Variants in LUZP2 observed in about 807,000 individuals in gnomAD.
LUZP2 encodes the protein leucine zipper protein 2.
A neutral mutation model predicts 51.6 loss-of-function variants in LUZP2; 52 were observed. The ratio of observed to expected loss-of-function variants is 1.01; its 90% confidence interval spans 0.81 to 1.27. The LOEUF (loss-of-function observed/expected upper bound fraction) is 1.27. LUZP2 is among the 50% of genes most tolerant of loss of function. The probability of loss-of-function intolerance (pLI) is 0.00; values close to 1 mark genes in which losing one functional copy is unlikely to be tolerated. For missense variants in LUZP2, 436 were observed against 395.4 expected (o/e 1.10, Z -0.87); for synonymous variants, 154 against 137.3 (o/e 1.12, Z -0.85).
intron 1 of LUZP2, among the ~76,000 whole-genome samples, chr11:24,719,610 T>C (rs1198112151): frequency 6.6e-6 from 1 of 152,258 alleles, no homozygotes; most frequent in Non-Finnish European, 1.5e-5. Flanking sequence ...TTTGCAAATA[T>C]GCCCGTAACT....
intron 1 of LUZP2, among the ~76,000 whole-genome samples, chr11:24,693,501 ACTAAAT>A (rs1220397772): frequency 2.6e-5 from 4 of 151,944 alleles, no homozygotes; most frequent in Non-Finnish European, 5.9e-5. Flanking sequence ...ATAAAAGGAA[ACTAAAT>A]CTATGTTTAT....
At chr11:24,981,914 AAAAC>A (rs201449664) in intron 8 of LUZP2, among the ~76,000 whole-genome samples, 9,898 of 145,148 alleles carry the variant, frequency 0.068, 451 homozygotes, top group Middle Eastern at 0.14. Context: ...TTTTAAGAGA[AAAAC>A]AAACAACCTC....
intron 9 of LUZP2, among the ~76,000 whole-genome samples, chr11:25,013,677 A>T (rs1239652242): frequency 6.6e-6 from 1 of 152,134 alleles, no homozygotes; most frequent in African/African-American, 2.4e-5. Flanking sequence ...GCTTATAGAC[A>T]TAAGGTCACC....
At chr11:24,878,098 G>GTTTTTTTTTTTTTTTTT (rs1491432423) in intron 5 of LUZP2, among the ~76,000 whole-genome samples, 1 of 18,542 alleles carries the variant, frequency 5.4e-5, no homozygotes. Flanking sequence ...GTAATATTCT[G>GTTTTTTTTTTTTTTTTT]TGTTTTTTTT....
rs144270589 is a variant in LUZP2 at position 24,789,948 on chromosome 11, T to C, written c.396+26640T>C. ...AAAGGGGATATAAACATTTCAACCA[T>C]AGCACTACCCATTTACTCTGCTTTC... On this transcript the variant is annotated intron_variant, in intron 5 of 11. Coordinates refer to ENST00000336930, the MANE Select transcript of LUZP2 (RefSeq NM_001009909.4). 5.0e-3 allele frequency among the ~76,000 whole-genome samples: 755 copies of C among 152,324 alleles called. 4 individuals are homozygous for C. The highest frequency in any genetic ancestry group is 0.012 in the South Asian group (60 of 4,834).
chr11:24,865,631 G>T (rs1292581848), intron 5 of LUZP2, among the ~76,000 whole-genome samples: 1 of 151,748 alleles, frequency 6.6e-6, no homozygotes, highest in African/African-American at 2.4e-5. Context: ...CCCTCAGATG[G>T]TTATTTGACA....
chr11:24,973,382 A>C (rs1469784453), intron 7 of LUZP2, among the ~76,000 whole-genome samples: 1 of 28,710 alleles, frequency 3.5e-5, no homozygotes, highest in Admixed American at 4.2e-4. Flanking sequence ...TTTTTTTTTC[A>C]AAAAAACAGC....
At chr11:24,726,242 A>G (rs1858470209) in intron 1 of LUZP2, among the ~76,000 whole-genome samples, 1 of 152,176 alleles carries the variant, frequency 6.6e-6, no homozygotes, top group Non-Finnish European at 1.5e-5. Context: ...TTACATCAGA[A>G]AGAGGGTATC....
intron 5 of LUZP2, among the ~76,000 whole-genome samples, chr11:24,765,095 G>A (rs1280154480): frequency 6.6e-6 from 1 of 152,004 alleles, no homozygotes; most frequent in South Asian, 2.1e-4. Flanking sequence ...AAACCTAACG[G>A]TGAACATATA....
intron 1 of LUZP2, among the ~76,000 whole-genome samples, chr11:24,662,427 T>TTA (rs1345151789): frequency 6.6e-6 from 1 of 152,102 alleles, no homozygotes; most frequent in East Asian, 1.9e-4. Flanking sequence ...GCTAAAGGAA[T>TTA]TATAATATGA....
chr11:24,601,951 A>ATGTGTAT (rs1565019800), intron 1 of LUZP2, among the ~76,000 whole-genome samples: 1 of 93,184 alleles, frequency 1.1e-5, no homozygotes, highest in African/African-American at 4.6e-5. Flanking sequence ...TATATGTATA[A>ATGTGTAT]ATGTATATAT....
chr11:24,893,248 G>A (rs548621957), intron 5 of LUZP2: 1 of 152,024 alleles, frequency 6.6e-6, no homozygotes, highest in African/African-American at 2.4e-5. Context: ...ACTACAAGTT[G>A]AATAATGTTT....
chr11:24,553,353 G>C (rs933760648), intron 1 of LUZP2, among the ~76,000 whole-genome samples: 1 of 151,826 alleles, frequency 6.6e-6, no homozygotes, highest in Non-Finnish European at 1.5e-5. Flanking sequence ...TAAAAACTAA[G>C]GGTAAAAAGT....
intron 1 of LUZP2, among the ~76,000 whole-genome samples, chr11:24,563,162 G>A (rs1273145323): frequency 1.3e-5 from 2 of 152,156 alleles, no homozygotes; most frequent in Non-Finnish European, 2.9e-5. Context: ...CTACGAACAA[G>A]AATGGGTCTG....
At chr11:24,609,729 CAAAAAAAAAAAAAA>C (rs34436907) in intron 1 of LUZP2, among the ~76,000 whole-genome samples, 5 of 65,896 alleles carry the variant, frequency 7.6e-5, no homozygotes, top group African/African-American at 1.5e-4. Context: ...GACTCCAGCT[CAAAAAAAAAAAAAA>C]AAAAAAAAAA....
At chr11:24,675,571 A>G (rs1856516369) in intron 1 of LUZP2, among the ~76,000 whole-genome samples, 1 of 152,160 alleles carries the variant, frequency 6.6e-6, no homozygotes, top group African/African-American at 2.4e-5. Flanking sequence ...CAACCTCTAT[A>G]TTTGAATAAA....
chr11:24,939,714 C>A (rs985200851), intron 7 of LUZP2, among the ~76,000 whole-genome samples: 6 of 151,848 alleles, frequency 4.0e-5, no homozygotes, highest in Admixed American at 3.9e-4. Context: ...TGGAGACAGG[C>A]AAGATAAGAG....
intron 5 of LUZP2, among the ~76,000 whole-genome samples, chr11:24,825,930 A>G (rs1371137200): frequency 1.3e-5 from 2 of 151,864 alleles, no homozygotes; most frequent in Non-Finnish European, 2.9e-5. Flanking sequence ...TCACACCTGT[A>G]ATCCCAGAAC....
intron 5 of LUZP2, among the ~76,000 whole-genome samples, chr11:24,841,051 A>G (rs1193308481): frequency 6.6e-6 from 1 of 151,964 alleles, no homozygotes; most frequent in African/African-American, 2.4e-5. Flanking sequence ...GCAGTAATGA[A>G]ATGACTTTGG....
Sources: allele counts gnomAD v4.1 joint callset (sites outside exome capture counted in the v4.1 genomes callset), GRCh38; gene constraint gnomAD v4.1.1; transcripts MANE v1.5; gene names NCBI Gene and HGNC (gene_info 2026-07-23, HGNC 2026-07-21).